Variants in BMX observed in about 807,000 individuals in gnomAD.
BMX encodes cytoplasmic tyrosine-protein kinase BMX.
Under a neutral mutation model 59.2 loss-of-function variants are expected in BMX, and 31 were observed. That is an observed-to-expected ratio of 0.52 (90% CI 0.39 to 0.71). BMX has a LOEUF of 0.71. Ranked by LOEUF, BMX falls within the 30% of genes least tolerant of loss-of-function variation. BMX has a pLI of 0.00. For missense variants in BMX, 474 were observed against 491.7 expected (o/e 0.96, Z 0.34); for synonymous variants, 185 against 181.0 (o/e 1.02, Z -0.18).
chrX:15,552,352 G>T (rs1187610028), intron 18 of BMX, among the ~76,000 whole-genome samples: 2 of 111,935 alleles, frequency 1.8e-5, no homozygotes, highest in Non-Finnish European at 3.8e-5. Flanking sequence ...TCCCCGATTT[G>T]TAGATGTATT....
intron 16 of BMX, among the ~76,000 whole-genome samples, chrX:15,544,563 G>A (rs1412795760): frequency 9.0e-6 from 1 of 111,586 alleles, no homozygotes; most frequent in Non-Finnish European, 1.9e-5. Flanking sequence ...TTTGGAAAAG[G>A]GAGACTTTTC....
Position 15,550,004 on chromosome X carries a change from G to T in BMX, c.1953+7G>T, listed in dbSNP as rs753403626. Reference sequence around the variant, plus strand: ...GTACAGCTGCTGGCACGAGGCAAGTGTATTCTCTGGGTGGGCTGGAAGGGG... The same window carrying T: ...GTACAGCTGCTGGCACGAGGCAAGTTTATTCTCTGGGTGGGCTGGAAGGGG... On this transcript the variant is annotated splice_region_variant and intron_variant, in intron 18 of 18. Coordinates refer to ENST00000348343, the MANE Select transcript of BMX (RefSeq NM_203281.3). 1.7e-6 allele frequency: 2 copies of T among 1,195,073 alleles called. No individual in the cohort carries two copies. The highest frequency in any genetic ancestry group is 2.3e-6 in the Non-Finnish European group (2 of 884,705).
chrX:15,529,028 T>G (rs1345830153), intron 9 of BMX, among the ~76,000 whole-genome samples: 1 of 111,913 alleles, frequency 8.9e-6, no homozygotes, highest in Non-Finnish European at 1.9e-5. Context: ...AAAAGAGACT[T>G]TCAAACTTAT....
In BMX at chrX:15,522,337, C is replaced by T; in HGVS notation, c.511-9C>T. 8.3e-7 allele frequency: 1 copy of T among 1,208,467 alleles called. No homozygotes were observed. The highest frequency in any genetic ancestry group is 1.1e-6 in the Non-Finnish European group (1 of 893,978). ...ACTGTGATGTATTAAAATTTCTTCC[C>T]CTCCAAAGCTGAAGATACCTCGGGC... On this transcript the variant is annotated splice_polypyrimidine_tract_variant and intron_variant, in intron 6 of 18. Transcript: ENST00000348343.
chrX:15,533,766 C>T (rs777110534), intron 11 of BMX, among the ~76,000 whole-genome samples: 1 of 111,732 alleles, frequency 8.9e-6, no homozygotes, highest in Admixed American at 9.5e-5. Context: ...AAAAGAGCCT[C>T]CTCCCATGTT....
chrX:15,534,750 G>A (rs28650885), intron 12 of BMX, among the ~76,000 whole-genome samples: 1,202 of 111,058 alleles, frequency 0.011, 11 homozygotes, highest in Non-Finnish European at 0.017. Context: ...TATATAAATA[G>A]AAATTATATA....
At chrX:15,552,382 T>C (rs1926240255) in intron 18 of BMX, among the ~76,000 whole-genome samples, 1 of 112,273 alleles carries the variant, frequency 8.9e-6, no homozygotes, top group Admixed American at 9.4e-5. Flanking sequence ...TAAGGTTTCA[T>C]CTTCTCCCTG....
At chrX:15,508,110 G>A (rs2147103014) in intron 1 of BMX, among the ~76,000 whole-genome samples, 1 of 112,109 alleles carries the variant, frequency 8.9e-6, no homozygotes, top group African/African-American at 3.2e-5. Flanking sequence ...AGTGGGAGGA[G>A]TCAAAAGTAT....
intron 9 of BMX, 80 bp downstream of exon 9, chrX:15,526,175 G>C: frequency 1.1e-6 from 1 of 909,725 alleles, no homozygotes; most frequent in Non-Finnish European, 1.5e-6. Context: ...CATTAAAACA[G>C]ATGGCTGAGA....
intron 4 of BMX, among the ~76,000 whole-genome samples, chrX:15,511,868 G>A (rs1923973855): frequency 8.9e-6 from 1 of 111,942 alleles, no homozygotes; most frequent in Admixed American, 9.5e-5. Flanking sequence ...AAGTCCTGTA[G>A]CTACCACACT....
intron 13 of BMX, among the ~76,000 whole-genome samples, chrX:15,536,729 G>C (rs1405736192): frequency 9.0e-6 from 1 of 110,896 alleles, no homozygotes; most frequent in Non-Finnish European, 1.9e-5. Context: ...CCACTGAGCA[G>C]AGCCAGTATT....
chrX:15,541,701 G>A, intron 14 of BMX, among the ~76,000 whole-genome samples: 1 of 111,632 alleles, frequency 9.0e-6, no homozygotes, highest in Non-Finnish European at 1.9e-5. Flanking sequence ...ACAGACCATT[G>A]CTACCCTGAT....
intron 13 of BMX, among the ~76,000 whole-genome samples, chrX:15,536,845 T>C (rs1334902887): frequency 9.0e-6 from 1 of 111,438 alleles, no homozygotes; most frequent in Non-Finnish European, 1.9e-5. Flanking sequence ...GAGTACATTT[T>C]GATGCTAAGC....
chrX:15,541,062 G>A (rs1925651416), intron 14 of BMX, among the ~76,000 whole-genome samples: 1 of 109,423 alleles, frequency 9.1e-6, no homozygotes, highest in Non-Finnish European at 1.9e-5. Flanking sequence ...AAAAAAGATA[G>A]GTGAGAAAAG....
chrX:15,540,273 C>T (rs1317157995), intron 14 of BMX, among the ~76,000 whole-genome samples: 1 of 111,362 alleles, frequency 9.0e-6, no homozygotes, highest in African/African-American at 3.3e-5. Context: ...GAGTTCATGT[C>T]CTTTGCAAGG....
chrX:15,519,212 C>T (rs189207378), intron 6 of BMX, among the ~76,000 whole-genome samples: 47 of 111,756 alleles, frequency 4.2e-4, no homozygotes, highest in African/African-American at 1.2e-3. Context: ...GGGACATCTC[C>T]GCCCATCTAT....
chrX:15,542,668 G>A (rs1007222854), intron 15 of BMX, among the ~76,000 whole-genome samples: 2 of 111,762 alleles, frequency 1.8e-5, no homozygotes, highest in African/African-American at 3.3e-5. Flanking sequence ...ATTTTCTTGC[G>A]CTCAACAGTA....
chrX:15,507,168 G>A (rs1267173583), intron 1 of BMX: 8 of 134,885 alleles, frequency 5.9e-5, no homozygotes, highest in Non-Finnish European at 9.5e-5. Context: ...AGTGAGAAGT[G>A]CCCTCTAGTG....
intron 3 of BMX, among the ~76,000 whole-genome samples, chrX:15,510,995 A>T (rs1436552330): frequency 3.6e-5 from 4 of 111,993 alleles, no homozygotes; most frequent in African/African-American, 1.3e-4. Context: ...GAATATATGG[A>T]TATTGGCAGA....
Sources: allele counts gnomAD v4.1 joint callset (sites outside exome capture counted in the v4.1 genomes callset), GRCh38; gene constraint gnomAD v4.1.1; transcripts MANE v1.5; gene names NCBI Gene and HGNC (gene_info 2026-07-23, HGNC 2026-07-21).